RAG1: variants seen among roughly 807,000 people sequenced by gnomAD.
RAG1 encodes the protein V(D)J recombination-activating protein 1.
Under a neutral mutation model 62.7 loss-of-function variants are expected in RAG1, and 35 were observed. That is an observed-to-expected ratio of 0.56 (90% CI 0.43 to 0.74). The LOEUF is 0.74. Ranked by LOEUF, RAG1 falls within the 30% of genes least tolerant of loss-of-function variation. RAG1 has a pLI of 0.00. For missense variants in RAG1, 1,169 were observed against 1,278.6 expected (o/e 0.91, Z 1.31); for synonymous variants, 461 against 470.3 (o/e 0.98, Z 0.26).
At chr11:36,541,283 C>T (rs1015728314) in intron 3 of RAG1, among the ~76,000 whole-genome samples, 1 of 152,182 alleles carries the variant, frequency 6.6e-6, no homozygotes, top group Non-Finnish European at 1.5e-5. Context: ...TGAAATGACT[C>T]GTTACACACA....
chr11:36,577,929 T>C lies in RAG1; in HGVS notation c.*1493T>C, dbSNP rs954397665. The C allele has an allele frequency of 1.2e-5, 2 of 167,114 alleles. No individual in the cohort carries two copies. The highest frequency in any genetic ancestry group is 2.9e-5 in the Non-Finnish European group (2 of 68,120). The allele number at this position is 167,114 out of a possible 1,614,324, so 10.4% of individuals were successfully genotyped here. A position where few individuals can be genotyped will look rare whatever the true frequency, so the allele number is the denominator to read the frequency against. ...CATTTGTGTGCTCTGGCTCTTTTGA[T>C]AGAAGAAAGCAACACAAAAGCTCCA... On this transcript the variant is annotated 3_prime_UTR_variant, in exon 2 of 2. Transcript: ENST00000299440.
chr11:36,565,142 A>G (rs111610814), upstream of RAG1, among the ~76,000 whole-genome samples: 9,902 of 152,246 alleles, frequency 0.065, 1,058 homozygotes, highest in African/African-American at 0.23. Context: ...AGAGATGTAT[A>G]GATACATGCT....
intron 1 of RAG1, among the ~76,000 whole-genome samples, chr11:36,514,670 G>T (rs1403330227): frequency 6.6e-6 from 1 of 152,212 alleles, no homozygotes; most frequent in Non-Finnish European, 1.5e-5. Context: ...TTCTCATAAG[G>T]AGTGTGCAAC....
At chr11:36,522,968 C>T (rs1860105023) in intron 2 of RAG1, among the ~76,000 whole-genome samples, 2 of 152,166 alleles carry the variant, frequency 1.3e-5, no homozygotes, top group Admixed American at 6.5e-5. Context: ...CCCCATTGTA[C>T]CTAGGAAGTA....
At chr11:36,548,169 T>C (rs979117329) in intron 3 of RAG1, among the ~76,000 whole-genome samples, 4 of 152,164 alleles carry the variant, frequency 2.6e-5, no homozygotes, top group African/African-American at 9.7e-5. Context: ...GCCAATATCA[T>C]ACTGAATGGA....
In RAG1 at chr11:36,573,674, A is replaced by G. The variant is rs747229620; in HGVS notation, c.370A>G (p.Asn124Asp). The G allele has an allele frequency of 6.2e-7, 1 of 1,614,152 alleles. No homozygotes were observed. Among genetic ancestry groups the G allele is most frequent in the Non-Finnish European group, 8.5e-7 (1 of 1,180,032 alleles). Residue 124 changes from asparagine to aspartate, a missense_variant, in exon 2 of 2, where the codon AAC (asparagine) becomes GAC (aspartate). Physicochemically the swap from Asn to Asp is conservative, Grantham distance 23 (BLOSUM62 1). Coordinates refer to ENST00000299440, the MANE Select transcript of RAG1 (RefSeq NM_000448.3). Reference protein sequence around the residue: ...CGNSFRADEHNRRYPVHGPVD... With the variant: ...CGNSFRADEHDRRYPVHGPVD... ...GAATTCTTTTAGAGCTGATGAGCAC[A>G]ACAGGAGATATCCAGTCCATGGTCC...
chr11:36,559,799 G>C (rs911938411), intron 3 of RAG1, among the ~76,000 whole-genome samples: 27 of 152,040 alleles, frequency 1.8e-4, no homozygotes, highest in African/African-American at 6.5e-4. Flanking sequence ...TTGTCTATCT[G>C]TATTTGCTTG....
At chr11:36,536,489 A>G (rs1320070602), downstream of RAG1, among the ~76,000 whole-genome samples, 1 of 152,128 alleles carries the variant, frequency 6.6e-6, no homozygotes, top group Non-Finnish European at 1.5e-5. Flanking sequence ...AGATGTGAGT[A>G]AAAAGGAGCA....
chr11:36,567,123 A>G (rs1423094440), upstream of RAG1, among the ~76,000 whole-genome samples: 1 of 152,164 alleles, frequency 6.6e-6, no homozygotes, highest in East Asian at 1.9e-4. Context: ...TTCTCCTTTC[A>G]TGGTATAATG....
intron 1 of RAG1, among the ~76,000 whole-genome samples, chr11:36,518,491 C>G (rs568426796): frequency 1.4e-4 from 22 of 152,148 alleles, no homozygotes; most frequent in Non-Finnish European, 2.9e-4. Context: ...TCCACATCCT[C>G]TCCAGCACTT....
In RAG1 at chr11:36,575,416, C is replaced by T. The variant is rs904662514; in HGVS notation, c.2112C>T (p.Ile704=). ...GCATTCTCCGGACTTTCAAGTTCAT[C>T]TTCAGGGGCACCGGCTATGATGAAA... ...LGGILRTFKF[I]FRGTGYDEKL... is the part of the protein sequence containing the mutation. Residue 704 remains isoleucine, a synonymous_variant, in exon 2 of 2, where the codon ATC becomes ATT. Transcript: ENST00000299440. This position sits in a 1 kb window ranked among gnomAD's most constrained non-coding sequence, Gnocchi z 4.1. The T allele has an allele frequency of 1.2e-6, 2 of 1,614,016 alleles. No individual in the cohort carries two copies. Among genetic ancestry groups the T allele is most frequent in the Middle Eastern group, 1.6e-4 (1 of 6,062 alleles).
At chr11:36,519,147 G>A (rs1860039290) in intron 1 of RAG1, among the ~76,000 whole-genome samples, 1 of 150,630 alleles carries the variant, frequency 6.6e-6, no homozygotes. Context: ...ATTTATTAAG[G>A]ACCATTTACA....
chr11:36,525,469 T>A (rs993424819), intron 2 of RAG1, among the ~76,000 whole-genome samples: 3 of 152,176 alleles, frequency 2.0e-5, no homozygotes, highest in African/African-American at 7.2e-5. Context: ...TAGATTTGTG[T>A]ATTAATTTGT....
chr11:36,514,843 G>A (rs1859974837), intron 1 of RAG1, among the ~76,000 whole-genome samples: 1 of 152,244 alleles, frequency 6.6e-6, no homozygotes, highest in South Asian at 2.1e-4. Context: ...ACTCATCTGT[G>A]AAGGAGAGAT....
chr11:36,572,879 C>T (rs1033458639), intron 1 of RAG1, among the ~76,000 whole-genome samples: 4 of 152,180 alleles, frequency 2.6e-5, no homozygotes, highest in Admixed American at 2.6e-4. Context: ...GAGGCTAATA[C>T]AATGTGGAAA....
chr11:36,541,663 C>G (rs1590678021), intron 3 of RAG1, among the ~76,000 whole-genome samples: 1 of 152,058 alleles, frequency 6.6e-6, no homozygotes, highest in Non-Finnish European at 1.5e-5. Flanking sequence ...GCTTGTTGGT[C>G]TCTCCCTTCT....
Position 36,573,508 on chromosome 11 carries a change from G to C in RAG1, c.204G>C (p.Lys68Asn). 2 of 1,614,208 alleles carry C rather than the reference G, an allele frequency of 1.2e-6. No homozygotes were observed. The highest frequency in any genetic ancestry group is 1.7e-6 in the Non-Finnish European group (2 of 1,180,034). The change falls in exon 2 of 2, where the codon AAG becomes AAC. Residue 68 changes from lysine to asparagine, a missense_variant. Lys to Asn is a moderately conservative substitution (Grantham distance 94, BLOSUM62 0). This residue lies in a region of RAG1 where 369 missense variants were observed against 335.3 expected (regional missense o/e 1.10). Transcript: ENST00000299440. ...SLEQSPAVLD[K>N]ADGQKPVPTQ... ...AGCAATCTCCAGCAGTCCTGGACAA[G>C]GCTGATGGTCAGAAGCCAGTCCCAA... is the stretch of plus-strand genomic sequence containing the variant.
At chr11:36,522,811 A>G (rs4756324) in intron 2 of RAG1, among the ~76,000 whole-genome samples, 75,389 of 152,102 alleles carry the variant, frequency 0.5, 21,527 homozygotes, top group East Asian at 0.72. Context: ...TGTGACCTGG[A>G]TTTGAGACAT....
chr11:36,536,969 A>G (rs1052077857), downstream of RAG1, among the ~76,000 whole-genome samples: 3 of 148,138 alleles, frequency 2.0e-5, no homozygotes, highest in Admixed American at 2.0e-4. Flanking sequence ...CGTGTTAGCC[A>G]GGATGGTCTC....
Sources: gnomAD v4.1 joint callset for allele counts (sites outside exome capture counted in the v4.1 genomes callset) on GRCh38, gnomAD v4.1.1 for gene constraint, gnomAD v4.1.1 regional missense constraint, Gnocchi (gnomAD v3.1) non-coding constraint, MANE v1.5 for transcripts, NCBI Gene and HGNC (gene_info 2026-07-23, HGNC 2026-07-21) for gene names.